ZNF385D: variants seen among roughly 807,000 people sequenced by gnomAD.
The protein encoded by ZNF385D is zinc finger protein 385D, also known as zinc finger protein 659.
In ZNF385D, 15 loss-of-function variants were observed where a neutral mutation model predicts 35.8. That is an observed-to-expected ratio of 0.42 (90% CI 0.28 to 0.64). The LOEUF (loss-of-function observed/expected upper bound fraction) is 0.64, where lower values mean the gene tolerates loss of function less well. ZNF385D is among the 30% of genes least tolerant of loss of function. The pLI, the probability that ZNF385D is intolerant of heterozygous loss-of-function variation, is 0.23. For synonymous variants in ZNF385D, 212 were observed against 186.8 expected, an observed-to-expected ratio of 1.13 and a Z score of -1.10; for missense variants, 474 against 494.6, an observed-to-expected ratio of 0.96 and a Z score of 0.39.
chr3:21,445,550 T>C (rs1702101484), intron 4 of ZNF385D, among the ~76,000 whole-genome samples: 2 of 152,224 alleles, frequency 1.3e-5, no homozygotes. Flanking sequence ...TATCAAAGCA[T>C]TGTCCTTAGT....
At chr3:21,446,116 G>A (rs1014245747) in intron 4 of ZNF385D, among the ~76,000 whole-genome samples, 1 of 152,192 alleles carries the variant, frequency 6.6e-6, no homozygotes, top group Non-Finnish European at 1.5e-5. Flanking sequence ...TGTATAGGGT[G>A]AGGTCTGAAT....
intron 3 of ZNF385D, among the ~76,000 whole-genome samples, chr3:22,084,888 G>A (rs1700944804): frequency 6.6e-6 from 1 of 152,196 alleles, no homozygotes; most frequent in Non-Finnish European, 1.5e-5. Context: ...TCAGACCACA[G>A]TGCAATCAAA....
chr3:22,199,163 G>GT (rs1696618321), intron 2 of ZNF385D, among the ~76,000 whole-genome samples: 1 of 151,938 alleles, frequency 6.6e-6, no homozygotes, highest in South Asian at 2.1e-4. Context: ...TCTCCACATT[G>GT]TTTTTGCCAT....
intron 2 of ZNF385D, among the ~76,000 whole-genome samples, chr3:22,243,935 CATTATATATTTCT>C (rs1202966529): frequency 6.6e-6 from 1 of 150,654 alleles, no homozygotes; most frequent in Admixed American, 6.6e-5. Flanking sequence ...GAAATTTACC[CATTATATATTTCT>C]ATTATATATA....
At chr3:22,045,777 T>C (rs753653239) in intron 3 of ZNF385D, among the ~76,000 whole-genome samples, 2 of 152,108 alleles carry the variant, frequency 1.3e-5, no homozygotes, top group Non-Finnish European at 2.9e-5. Context: ...CAATGGAGCC[T>C]GGCGACACTA....
intron 3 of ZNF385D, among the ~76,000 whole-genome samples, chr3:21,777,947 C>T (rs776509776): frequency 2.6e-5 from 4 of 151,776 alleles, no homozygotes; most frequent in Non-Finnish European, 5.9e-5. Context: ...TGAAGCAAAC[C>T]CATCCAGCTG....
chr3:21,794,722 G>T (rs540845487), intron 3 of ZNF385D, among the ~76,000 whole-genome samples: 1 of 152,222 alleles, frequency 6.6e-6, no homozygotes, highest in East Asian at 1.9e-4. Flanking sequence ...TTTAATAATG[G>T]TAAATTTTAA....
At chr3:21,782,365 G>C (rs1036395040) in intron 3 of ZNF385D, among the ~76,000 whole-genome samples, 2 of 152,114 alleles carry the variant, frequency 1.3e-5, no homozygotes, top group African/African-American at 2.4e-5. Flanking sequence ...TCAGGAGTCA[G>C]AGAGTTTAAA....
intron 2 of ZNF385D, among the ~76,000 whole-genome samples, chr3:22,359,223 G>A (rs1487081128): frequency 6.6e-6 from 1 of 151,482 alleles, no homozygotes; most frequent in African/African-American, 2.4e-5. Context: ...GTTAATGCTG[G>A]GAGGACACTG....
In ZNF385D at chr3:21,676,545, A is replaced by T. The variant is rs570529184; in HGVS notation, c.23-11517T>A. Among the ~76,000 whole-genome samples, 4 of 152,232 alleles carry T rather than the reference A, an allele frequency of 2.6e-5. No individual in the cohort carries two copies. The East Asian group carries it at 7.7e-4, about 29-fold the overall frequency. ...CTATTAAATGATTGTAAGCAAGAAG[A>T]TCCACACAACCATATTTTATTTTTA... On this transcript the variant is annotated intron_variant, in intron 1 of 7. Coordinates refer to ENST00000281523, the MANE Select transcript of ZNF385D (RefSeq NM_024697.3).
chr3:21,821,924 C>T (rs374633859), intron 3 of ZNF385D, among the ~76,000 whole-genome samples: 2 of 147,310 alleles, frequency 1.4e-5, no homozygotes, highest in Non-Finnish European at 3.0e-5. Flanking sequence ...CATCATCACG[C>T]CACTGTACTC....
At chr3:21,489,692 G>C (rs1705278721) in intron 4 of ZNF385D, among the ~76,000 whole-genome samples, 1 of 152,094 alleles carries the variant, frequency 6.6e-6, no homozygotes, top group South Asian at 2.1e-4. Context: ...TTTCCAGCTA[G>C]AGGCATTCAT....
At chr3:21,715,403 C>T (rs1464287700) in intron 1 of ZNF385D, among the ~76,000 whole-genome samples, 1 of 152,030 alleles carries the variant, frequency 6.6e-6, no homozygotes, top group African/African-American at 2.4e-5. Context: ...CCAGTTCCAT[C>T]CAAGTTGCTG....
intron 3 of ZNF385D, among the ~76,000 whole-genome samples, chr3:21,558,537 C>A (rs140046265): frequency 2.0e-5 from 3 of 152,092 alleles, no homozygotes; most frequent in Non-Finnish European, 4.4e-5. Flanking sequence ...GATTTCCATT[C>A]TTTTGCATTT....
intron 1 of ZNF385D, among the ~76,000 whole-genome samples, chr3:21,711,750 T>C (rs2068117884): frequency 6.6e-6 from 1 of 152,218 alleles, no homozygotes; most frequent in African/African-American, 2.4e-5. Context: ...AACAGCAACA[T>C]CTAATGCTAA....
intron 3 of ZNF385D, among the ~76,000 whole-genome samples, chr3:21,984,353 G>T (rs1361697689): frequency 7.9e-6 from 1 of 126,790 alleles, no homozygotes; most frequent in Non-Finnish European, 1.6e-5. Flanking sequence ...TAAGGTGTAA[G>T]GAAGGGATCC....
chr3:22,007,301 A>G (rs182927474), intron 3 of ZNF385D, among the ~76,000 whole-genome samples: 69 of 152,358 alleles, frequency 4.5e-4, no homozygotes, highest in Non-Finnish European at 9.0e-4. Flanking sequence ...AAATCAATTC[A>G]TAAGTGTTCA....
intron 3 of ZNF385D, among the ~76,000 whole-genome samples, chr3:22,161,635 C>T (rs564038608): frequency 6.6e-6 from 1 of 152,108 alleles, no homozygotes; most frequent in African/African-American, 2.4e-5. Flanking sequence ...AAAAAGTATG[C>T]TAACAGAAAA....
chr3:21,755,097 G>C (rs2125568127), upstream of ZNF385D, among the ~76,000 whole-genome samples: 2 of 152,332 alleles, frequency 1.3e-5, no homozygotes, highest in South Asian at 4.1e-4. Flanking sequence ...AATTCTCATA[G>C]CTGCATGGAG....
Sources: allele counts gnomAD v4.1 joint callset (sites outside exome capture counted in the v4.1 genomes callset), GRCh38; gene constraint gnomAD v4.1.1; transcripts MANE v1.5; gene names NCBI Gene and HGNC (gene_info 2026-07-23, HGNC 2026-07-21).